The following HMGA2 variants were observed in gnomAD, a reference collection of about 807,000 sequenced individuals.
HMGA2 encodes high mobility group AT-hook 2.
Under a neutral mutation model 19.1 loss-of-function variants are expected in HMGA2, and 8 were observed. The observed-to-expected ratio is 0.42, with a 90% CI of 0.25 to 0.76. The LOEUF (loss-of-function observed/expected upper bound fraction) is 0.76. Ranked by LOEUF, HMGA2 falls within the 30% of genes least tolerant of loss-of-function variation. HMGA2 has a pLI of 0.28. For missense variants in HMGA2, 109 were observed against 136.3 expected (o/e 0.80, Z 1.00); for synonymous variants, 60 against 48.8 (o/e 1.23, Z -0.96).
intron 3 of HMGA2, among the ~76,000 whole-genome samples, chr12:65,841,561 T>C (rs1164680427): frequency 6.6e-6 from 1 of 152,238 alleles, no homozygotes; most frequent in Non-Finnish European, 1.5e-5. Context: ...AAATAAATCA[T>C]TGCGTTTTCC....
intron 3 of HMGA2, chr12:65,881,409 G>A: frequency 2.9e-6 from 1 of 349,530 alleles, no homozygotes; most frequent in Non-Finnish European, 5.3e-6. Flanking sequence ...AACATCCTTG[G>A]GTTAATCACG....
intron 3 of HMGA2, among the ~76,000 whole-genome samples, chr12:65,880,876 C>T (rs1410941173): frequency 3.3e-5 from 5 of 152,178 alleles, no homozygotes; most frequent in Non-Finnish European, 5.9e-5. Context: ...ATAACTGGCT[C>T]TATTTATCTT....
chr12:65,844,087 T>C (rs1378675390), intron 3 of HMGA2, among the ~76,000 whole-genome samples: 1 of 148,464 alleles, frequency 6.7e-6, no homozygotes, highest in Non-Finnish European at 1.5e-5. Context: ...ATAACTGCAA[T>C]GTTTAGAAAG....
intron 3 of HMGA2, among the ~76,000 whole-genome samples, chr12:65,932,245 T>G (rs1875740179): frequency 6.6e-6 from 1 of 152,228 alleles, no homozygotes; most frequent in African/African-American, 2.4e-5. Context: ...CTTCAAATTT[T>G]AACTTCAAAT....
At chr12:65,911,242 G>A (rs1874831647) in intron 3 of HMGA2, among the ~76,000 whole-genome samples, 1 of 152,184 alleles carries the variant, frequency 6.6e-6, no homozygotes, top group Non-Finnish European at 1.5e-5. Context: ...CTCAAGTGTT[G>A]GAGGTAGGGA....
intron 3 of HMGA2, among the ~76,000 whole-genome samples, chr12:65,948,694 G>GA (rs1489637579): frequency 1.3e-5 from 2 of 152,226 alleles, no homozygotes; most frequent in African/African-American, 4.8e-5. Context: ...TTGGTGGTCT[G>GA]AAAAGTATGA....
intron 3 of HMGA2, chr12:65,874,239 T>TAATA (rs1442729961): frequency 6.7e-6 from 1 of 150,306 alleles, no homozygotes; most frequent in South Asian, 2.1e-4. Context: ...AAATGTAAAT[T>TAATA]AATAAATATA....
At chr12:65,942,559 T>G (rs1351027386) in intron 3 of HMGA2, 7 of 152,104 alleles carry the variant, frequency 4.6e-5, no homozygotes, top group Non-Finnish European at 1.0e-4. Context: ...AAGGGTGGAT[T>G]TTTCCCCTAA....
intron 2 of HMGA2, among the ~76,000 whole-genome samples, chr12:65,835,789 CCTGGTGTAGCA>C (rs1870691749): frequency 6.6e-6 from 1 of 152,132 alleles, no homozygotes; most frequent in Non-Finnish European, 1.5e-5. Flanking sequence ...GCAGAAAAAG[CCTGGTGTAGCA>C]CTGTTAACTT....
At chr12:65,824,481 T>C (rs533412541), upstream of HMGA2, 3 of 218,602 alleles carry the variant, frequency 1.4e-5, no homozygotes, top group East Asian at 2.0e-4. Flanking sequence ...GGGCAGGAAC[T>C]CAGAAAACTT....
chr12:65,957,394 C>T (rs1461091646), intron 4 of HMGA2: 2 of 151,972 alleles, frequency 1.3e-5, no homozygotes, highest in African/African-American at 4.8e-5. Flanking sequence ...TATCCCAGCA[C>T]TTTGGGAGGC....
At chr12:65,853,233 G>A (rs1871564906) in intron 3 of HMGA2, among the ~76,000 whole-genome samples, 1 of 152,120 alleles carries the variant, frequency 6.6e-6, no homozygotes, top group Admixed American at 6.5e-5. Flanking sequence ...AAGTAGCCTG[G>A]ACATGGTAAT....
At chr12:65,955,832 T>C (rs1156512506) in intron 4 of HMGA2, 2 of 152,232 alleles carry the variant, frequency 1.3e-5, no homozygotes, top group Admixed American at 1.3e-4. Flanking sequence ...ACGGGATTTC[T>C]TCCCCCTCAA....
chr12:65,923,599 C>T (rs1875398412), intron 3 of HMGA2, among the ~76,000 whole-genome samples: 2 of 152,204 alleles, frequency 1.3e-5, no homozygotes, highest in East Asian at 3.8e-4. Flanking sequence ...CTGTAGGCTC[C>T]TGTACCCTGT....
chr12:65,944,623 T>C (rs1034407142), intron 3 of HMGA2, among the ~76,000 whole-genome samples: 1 of 150,520 alleles, frequency 6.6e-6, no homozygotes. Context: ...TGTTGCCTAA[T>C]ACAGCCTAAT....
chr12:65,928,891 CAT>C (rs1875609898), intron 3 of HMGA2, among the ~76,000 whole-genome samples: 1 of 152,038 alleles, frequency 6.6e-6, no homozygotes, highest in African/African-American at 2.4e-5. Flanking sequence ...AAAGATTACA[CAT>C]ATATAAAGGA....
At chr12:65,949,040 C>T (rs1383175410) in intron 3 of HMGA2, among the ~76,000 whole-genome samples, 1 of 152,128 alleles carries the variant, frequency 6.6e-6, no homozygotes, top group Non-Finnish European at 1.5e-5. Context: ...AAGATGAGTG[C>T]TCTCTTCTTC....
chr12:65,838,962 C>T (rs192507120), intron 3 of HMGA2, among the ~76,000 whole-genome samples: 118 of 120,890 alleles, frequency 9.8e-4, no homozygotes, highest in African/African-American at 4.7e-3. Context: ...AACTTTTTAA[C>T]GTTTTTCTTT....
chr12:65,846,128 C>T (rs1317611066), intron 3 of HMGA2, among the ~76,000 whole-genome samples: 2 of 152,232 alleles, frequency 1.3e-5, no homozygotes, highest in Non-Finnish European at 2.9e-5. Context: ...CCTCAGGAAT[C>T]ACTGAATGCA....
Sources: allele counts gnomAD v4.1 joint callset (sites outside exome capture counted in the v4.1 genomes callset), GRCh38; gene constraint gnomAD v4.1.1; transcripts MANE v1.5; gene names NCBI Gene and HGNC (gene_info 2026-07-23, HGNC 2026-07-21).